The following PTPN2 variants were observed in gnomAD, a reference collection of about 807,000 sequenced individuals.
The protein encoded by PTPN2 is protein tyrosine phosphatase non-receptor type 2.
Under a neutral mutation model 57.3 loss-of-function variants are expected in PTPN2, and 19 were observed. The ratio of observed to expected loss-of-function variants is 0.33; its 90% CI spans 0.23 to 0.49. The LOEUF (loss-of-function observed/expected upper bound fraction) is 0.49. Ranked by LOEUF, PTPN2 falls within the 20% of genes least tolerant of loss-of-function variation. PTPN2 has a pLI of 0.99. For missense variants in PTPN2, 358 were observed against 501.1 expected, an observed-to-expected ratio of 0.71 and a Z score of 2.73; for synonymous variants, 153 against 164.9, an observed-to-expected ratio of 0.93 and a Z score of 0.55.
At chr18:12,814,495 T>C in intron 6 of PTPN2, 140 bp from the exon 7 acceptor site, 1 of 682,040 alleles carries the variant, frequency 1.5e-6, no homozygotes, top group Non-Finnish European at 2.4e-6. Context: ...CAGCTATAAC[T>C]GTTATGTACA....
At chr18:12,859,717 T>C (rs2145476753) in intron 1 of PTPN2, among the ~76,000 whole-genome samples, 1 of 152,364 alleles carries the variant, frequency 6.6e-6, no homozygotes, top group Non-Finnish European at 1.5e-5. Flanking sequence ...TTTTGGAGTT[T>C]CTACCTGAAA....
At chr18:12,821,854 T>TA (rs1178499542) in intron 5 of PTPN2, among the ~76,000 whole-genome samples, 2 of 152,190 alleles carry the variant, frequency 1.3e-5, no homozygotes, top group Admixed American at 1.3e-4. Context: ...GAAGAATTCT[T>TA]AGAGGATGGT....
intron 1 of PTPN2, among the ~76,000 whole-genome samples, chr18:12,864,632 T>G (rs891529552): frequency 1.4e-4 from 22 of 152,064 alleles, no homozygotes; most frequent in Non-Finnish European, 2.9e-4. Flanking sequence ...TCTCCTGACC[T>G]CGTGATCTGC....
intron 1 of PTPN2, 161 bp downstream of exon 1, chr18:12,883,912 G>A: frequency 3.8e-6 from 2 of 524,722 alleles, no homozygotes; most frequent in South Asian, 2.5e-5. Context: ...GCAAGAGAGC[G>A]GTCAGCGCAG....
intron 3 of PTPN2, among the ~76,000 whole-genome samples, chr18:12,836,241 A>G (rs2042861525): frequency 6.6e-6 from 1 of 152,254 alleles, no homozygotes; most frequent in African/African-American, 2.4e-5. Flanking sequence ...TCATGCTTGC[A>G]CACAGGTGTG....
At chr18:12,867,621 TAG>T (rs1568165194) in intron 1 of PTPN2, among the ~76,000 whole-genome samples, 2 of 143,170 alleles carry the variant, frequency 1.4e-5, no homozygotes, top group South Asian at 3.0e-4. Flanking sequence ...TGTCGCTTAA[TAG>T]AGTTTCGCTT....
At chr18:12,817,745 AC>A (rs1410957571) in intron 5 of PTPN2, among the ~76,000 whole-genome samples, 1 of 152,208 alleles carries the variant, frequency 6.6e-6, no homozygotes, top group Admixed American at 6.5e-5. Context: ...ATTTGAAGCA[AC>A]CTGGGGCAGC....
At chr18:12,828,511 T>G (rs2145364066) in intron 4 of PTPN2, among the ~76,000 whole-genome samples, 1 of 152,336 alleles carries the variant, frequency 6.6e-6, no homozygotes, top group African/African-American at 2.4e-5. Context: ...GTATATGATA[T>G]GGGAAGAAGG....
At chr18:12,870,342 CATATATATGTGTATATATATGTGT>C (rs1337632955) in intron 1 of PTPN2, among the ~76,000 whole-genome samples, 2 of 32,696 alleles carry the variant, frequency 6.1e-5, no homozygotes, top group East Asian at 1.6e-3. Context: ...TATATATATA[CATATATATGTGTATATATATGTGT>C]ATATATACAT....
At chr18:12,789,921 G>C (rs1374620767), downstream of PTPN2, among the ~76,000 whole-genome samples, 3 of 151,882 alleles carry the variant, frequency 2.0e-5, no homozygotes, top group African/African-American at 7.3e-5. Flanking sequence ...GAGACAGAGA[G>C]AGAGAGGGAG....
At chr18:12,870,450 T>TAC (rs1598886807) in intron 1 of PTPN2, among the ~76,000 whole-genome samples, 1 of 34,410 alleles carries the variant, frequency 2.9e-5, no homozygotes, top group Non-Finnish European at 4.8e-5. Context: ...TGTATATATA[T>TAC]ATATATATAT....
At chr18:12,803,961 T>C (rs1344351407) in intron 7 of PTPN2, among the ~76,000 whole-genome samples, 1 of 152,076 alleles carries the variant, frequency 6.6e-6, no homozygotes, top group African/African-American at 2.4e-5. Context: ...TTCTCCATGA[T>C]GGACCATATG....
At chr18:12,882,936 C>T (rs964343331) in intron 1 of PTPN2, among the ~76,000 whole-genome samples, 1 of 151,978 alleles carries the variant, frequency 6.6e-6, no homozygotes. Context: ...GGGAATAATA[C>T]GACAAGGATT....
At chr18:12,866,862 G>A (rs1303075436) in intron 1 of PTPN2, among the ~76,000 whole-genome samples, 1 of 151,842 alleles carries the variant, frequency 6.6e-6, no homozygotes, top group African/African-American at 2.4e-5. Flanking sequence ...AAAATTAGCT[G>A]GCCATGGTGG....
rs1001278066 is a variant in PTPN2, at chr18:12,793,852, C to T, written c.*426G>A. 9.8e-7 allele frequency: 1 copy of T among 1,018,790 alleles called. No homozygotes were observed. Among genetic ancestry groups the T allele is most frequent in the African/African-American group, 1.7e-5 (1 of 58,270 alleles). The allele number at this position is 1,018,790 out of a possible 1,614,324, so 63.1% of individuals were successfully genotyped here. A position where few individuals can be genotyped will look rare whatever the true frequency, so the allele number is the denominator to read the frequency against. ...TGTCAATAGTACATTATACATTACA[C>T]ACATTATTTAAATGTCATTTTCTTT... On this transcript the variant is annotated 3_prime_UTR_variant, in exon 9 of 9. Transcript: ENST00000309660.
intron 2 of PTPN2, among the ~76,000 whole-genome samples, chr18:12,858,632 C>T (rs1013410047): frequency 6.6e-5 from 10 of 152,178 alleles, no homozygotes; most frequent in African/African-American, 1.9e-4. Flanking sequence ...TCTAATTTTC[C>T]GTTTAAAGTA....
chr18:12,800,028 C>T (rs1396489056), intron 8 of PTPN2, among the ~76,000 whole-genome samples: 1 of 152,092 alleles, frequency 6.6e-6, no homozygotes, highest in Non-Finnish European at 1.5e-5. Flanking sequence ...AAACATGCAC[C>T]AGTCTCATTT....
chr18:12,857,146 T>C (rs2043619632), intron 2 of PTPN2, among the ~76,000 whole-genome samples: 1 of 151,364 alleles, frequency 6.6e-6, no homozygotes, highest in South Asian at 2.1e-4. Flanking sequence ...ATCCAATAAT[T>C]GCAATTACAA....
intron 2 of PTPN2, among the ~76,000 whole-genome samples, chr18:12,854,314 G>A (rs982715810): frequency 6.8e-6 from 1 of 147,830 alleles, no homozygotes; most frequent in Non-Finnish European, 1.5e-5. Context: ...GAGCCGAGAC[G>A]GTGCCACTGC....
Sources: allele counts gnomAD v4.1 joint callset (sites outside exome capture counted in the v4.1 genomes callset), GRCh38; gene constraint gnomAD v4.1.1; transcripts MANE v1.5; gene names NCBI Gene and HGNC (gene_info 2026-07-23, HGNC 2026-07-21).